The following SIGLEC15 variants were observed in gnomAD, a reference collection of about 807,000 sequenced individuals.
SIGLEC15 encodes the protein sialic acid-binding Ig-like lectin 15.
In SIGLEC15, 31 loss-of-function variants were observed where a neutral mutation model predicts 26.2. The ratio of observed to expected loss-of-function variants is 1.18; its 90% confidence interval spans 0.89 to 1.60. SIGLEC15 has a LOEUF of 1.60. SIGLEC15 is among the 40% of genes most tolerant of loss of function. The pLI is 0.00. For synonymous variants in SIGLEC15, 207 were observed against 221.9 expected, an observed-to-expected ratio of 0.93 and a Z score of 0.60; for missense variants, 501 against 488.4, an observed-to-expected ratio of 1.03 and a Z score of -0.24.
rs780451018 is a variant in SIGLEC15, at chr18:45,838,827, G to C, written c.606G>C (p.Pro202=). 6.4e-7 allele frequency: 1 copy of C among 1,563,838 alleles called. No homozygotes were observed. Among genetic ancestry groups the C allele is most frequent in the Admixed American group, 1.8e-5 (1 of 54,238 alleles). Residue 202 remains proline (P), a synonymous_variant, in exon 4 of 6, where the codon CCG becomes CCC. Coordinates refer to ENST00000389474, the MANE Select transcript of SIGLEC15 (RefSeq NM_213602.3). The part of the protein sequence containing the change: ...EPPPALAWSG[P]ALGNSLAAVR... ...CGCCCGCCCTCGCCTGGTCCGGCCCGGCCCTGGGCAACAGCTTGGCAGCCG... is the reference window on the plus strand; with the variant it reads ...CGCCCGCCCTCGCCTGGTCCGGCCCCGCCCTGGGCAACAGCTTGGCAGCCG...
At position 45,827,847 on chromosome 18, in the gene SIGLEC15, A is replaced by T. The variant is rs181540721; in HGVS notation, c.52+2067A>T. Among the ~76,000 whole-genome samples, 38 of 152,284 alleles carry T rather than the reference A, an allele frequency of 2.5e-4. No homozygotes were observed. In the East Asian group the frequency reaches 6.0e-3, roughly 24 times the overall value. On this transcript the variant is annotated intron_variant, in intron 1 of 5. Coordinates refer to ENST00000389474, the MANE Select transcript of SIGLEC15 (RefSeq NM_213602.3). ...GGGTCAGCTGCTATGAATCAGCAAGACACAAAGGATTTAGAGGAAGCATGG... is the reference window on the plus strand; with the variant it reads ...GGGTCAGCTGCTATGAATCAGCAAGTCACAAAGGATTTAGAGGAAGCATGG...
At position 45,844,074 on chromosome 18, in the gene SIGLEC15, T is replaced by C. The variant is rs2048346587; in HGVS notation, c.*1887T>C. The C allele has an allele frequency of 6.7e-6, 1 of 148,336 alleles. No individual in the cohort carries two copies. The highest frequency in any genetic ancestry group is 2.6e-5 in the African/African-American group (1 of 38,080). The allele number at this position is 148,336 out of a possible 1,614,324, so 9.2% of individuals were successfully genotyped here. A position where few individuals can be genotyped will look rare whatever the true frequency, so the allele number is the denominator to read the frequency against. ...AAGAAAATGAACACACAATGAAATA[T>C]TCAGCCATAAAAAAAAAAAATGAAA... On this transcript the variant is annotated 3_prime_UTR_variant, in exon 6 of 6. Coordinates refer to ENST00000389474, the MANE Select transcript of SIGLEC15 (RefSeq NM_213602.3).
At chr18:45,836,228 A>G (rs2048275151) in intron 1 of SIGLEC15, among the ~76,000 whole-genome samples, 1 of 151,860 alleles carries the variant, frequency 6.6e-6, no homozygotes, top group African/African-American at 2.4e-5. Flanking sequence ...AACCTGTGTG[A>G]CTCTGAGCCT....
intron 5 of SIGLEC15, chr18:45,841,180 G>C (rs1364591163): frequency 1.3e-5 from 2 of 152,440 alleles, no homozygotes; most frequent in East Asian, 3.8e-4. Flanking sequence ...CTGCTGGGCT[G>C]AGGCTGCTTT....
chr18:45,831,594 ACT>A (rs1458050840), intron 1 of SIGLEC15, among the ~76,000 whole-genome samples: 1 of 152,204 alleles, frequency 6.6e-6, no homozygotes, highest in African/African-American at 2.4e-5. Flanking sequence ...CACATGGTAA[ACT>A]CTCAATAAAT....
At chr18:45,840,329 G>A in intron 5 of SIGLEC15, 88 bp downstream of exon 5, 3 of 1,433,022 alleles carry the variant, frequency 2.1e-6, no homozygotes, top group Non-Finnish European at 2.9e-6. Flanking sequence ...AGGAATAAAT[G>A]GCAAAGGGCT....
In SIGLEC15 at chr18:45,840,303, G is replaced by A. The variant is rs369068735; in HGVS notation, c.905+62G>A. 2.0e-3 allele frequency: 3,138 copies of A among 1,550,206 alleles called. 14 individuals are homozygous for A. Among genetic ancestry groups the A allele is most frequent in the Middle Eastern group, 0.012 (72 of 5,852 alleles). On this transcript the variant is annotated intron_variant, in intron 5 of 5. Coordinates refer to ENST00000389474, the MANE Select transcript of SIGLEC15 (RefSeq NM_213602.3). ...ACCCACCTAGTCCTCATCACCCAGG[G>A]GGTCCAGGCAGGAGAAGGAATAAAT...
In SIGLEC15 at chr18:45,838,994, C is replaced by T; in HGVS notation, c.773C>T (p.Ala258Val). Residue 258 changes from alanine to valine, a missense_variant, in exon 4 of 6, where the codon GCC becomes GTC. Transcript: ENST00000389474. ...ASVYLFRFHG[A>V]SGASTVALLL... ...GTCTACCTGTTCCGCTTCCATGGCG[C>T]CAGCGGGGCCTCGACGGTCGCCCTC... is the stretch of plus-strand genomic sequence containing the variant. The T allele has an allele frequency of 6.3e-7, 1 of 1,597,564 alleles. No individual in the cohort carries two copies. The highest frequency in any genetic ancestry group is 1.1e-5 in the South Asian group (1 of 89,946).
At chr18:45,841,369 C>A (rs1183725102) in intron 5 of SIGLEC15, among the ~76,000 whole-genome samples, 1 of 151,962 alleles carries the variant, frequency 6.6e-6, no homozygotes, top group East Asian at 1.9e-4. Context: ...CAGGTGAGGC[C>A]CAGAAAGGAG....
chr18:45,837,320 G>C (rs1352839494), intron 2 of SIGLEC15, among the ~76,000 whole-genome samples, 193 bp from the exon 3 acceptor site: 1 of 152,238 alleles, frequency 6.6e-6, no homozygotes, highest in African/African-American at 2.4e-5. Context: ...TGGGGGTGCA[G>C]GCACCAGGAA....
At chr18:45,835,388 A>T (rs537017602) in intron 1 of SIGLEC15, among the ~76,000 whole-genome samples, 4 of 152,350 alleles carry the variant, frequency 2.6e-5, no homozygotes, top group African/African-American at 9.6e-5. Context: ...ACTGCATCTC[A>T]TGCATGTACT....
chr18:45,836,397 T>G lies in SIGLEC15; in HGVS notation c.53-632T>G, dbSNP rs557127316. Among the ~76,000 whole-genome samples the G allele has an allele frequency of 5.5e-3, 839 of 151,238 alleles. 9 individuals are homozygous for G. The highest frequency in any genetic ancestry group is 0.02 in the African/African-American group (792 of 40,510). ...TTCCTCTAAAGATCCTTTTGTGAAC[T>G]GCACCCTGGGGCACCGGCTGGGCAG... On this transcript the variant is annotated intron_variant, in intron 1 of 5. Coordinates refer to ENST00000389474, the MANE Select transcript of SIGLEC15 (RefSeq NM_213602.3).
At chr18:45,829,097 C>T (rs770173917) in intron 1 of SIGLEC15, 5 of 985,858 alleles carry the variant, frequency 5.1e-6, no homozygotes, top group Non-Finnish European at 6.0e-6. Context: ...AGACAGGCTA[C>T]ATCGGGACTC....
At chr18:45,826,937 CAG>C (rs2048189642) in intron 1 of SIGLEC15, among the ~76,000 whole-genome samples, 1 of 152,176 alleles carries the variant, frequency 6.6e-6, no homozygotes, top group Admixed American at 6.5e-5. Flanking sequence ...TCTTTGGAGA[CAG>C]AGTCCCACTC....
intron 1 of SIGLEC15, among the ~76,000 whole-genome samples, chr18:45,833,220 A>G (rs1164255088): frequency 1.3e-5 from 2 of 152,196 alleles, no homozygotes; most frequent in Non-Finnish European, 2.9e-5. Context: ...GACTTCACCA[A>G]GTTGCTGTGG....
At chr18:45,828,547 C>G (rs1340437852) in intron 1 of SIGLEC15, among the ~76,000 whole-genome samples, 1 of 152,214 alleles carries the variant, frequency 6.6e-6, no homozygotes, top group Non-Finnish European at 1.5e-5. Context: ...GCAGATATCA[C>G]AACCACAACC....
chr18:45,838,005 G>A (rs1373781845), intron 3 of SIGLEC15, 109 bp downstream of exon 3: 7 of 1,321,016 alleles, frequency 5.3e-6, no homozygotes, highest in Non-Finnish European at 6.9e-6. Flanking sequence ...GAAGGGCAAC[G>A]AGACCCAGCC....
At position 45,829,102 on chromosome 18, in the gene SIGLEC15, G is replaced by C. The variant is rs9945878; in HGVS notation, c.52+3322G>C. The C allele has an allele frequency of 3.7e-3, 3,648 of 985,822 alleles. 109 individuals carry two copies. The African/African-American group carries it at 0.06, about 16-fold the overall frequency. 61.1% of individuals were successfully genotyped at this position (985,822 alleles called of 1,614,324 possible). On this transcript the variant is annotated intron_variant, in intron 1 of 5. Transcript: ENST00000389474. ...GCACCAGCAGAGACAGGCTACATCG[G>C]GACTCTGAAGAGCAGCACTCTGGGG...
chr18:45,842,156 G>A lies in SIGLEC15; in HGVS notation c.956G>A (p.Arg319Gln), dbSNP rs775151990. The A allele has an allele frequency of 1.4e-5, 22 of 1,613,982 alleles. No homozygotes were observed. Among genetic ancestry groups the A allele is most frequent in the South Asian group, 6.6e-5 (6 of 91,084 alleles). Residue 319 changes from arginine to glutamine, a missense_variant, in exon 6 of 6, where the codon CGG becomes CAG. Physicochemically the swap from Arg to Gln is conservative, Grantham distance 43. Transcript: ENST00000389474. Reference protein sequence around the residue: ...NYENLSQMNPRSPPATMCSP With the variant: ...NYENLSQMNPQSPPATMCSP ...GAAAATTTGAGCCAGATGAACCCCCGGAGCCCACCAGCCACCATGTGCTCA... is the reference window on the plus strand; with the variant it reads ...GAAAATTTGAGCCAGATGAACCCCCAGAGCCCACCAGCCACCATGTGCTCA...
Sources: allele counts gnomAD v4.1 joint callset (sites outside exome capture counted in the v4.1 genomes callset), GRCh38; gene constraint gnomAD v4.1.1; transcripts MANE v1.5; gene names NCBI Gene and HGNC (gene_info 2026-07-23, HGNC 2026-07-21).